The following ATP10B variants were observed in gnomAD, a reference collection of about 807,000 sequenced individuals.
ATP10B encodes ATPase phospholipid transporting 10B (putative).
In ATP10B, 122 loss-of-function variants were observed where a neutral mutation model predicts 141.2. That is an observed-to-expected ratio of 0.86 (90% CI 0.75 to 1.00). The LOEUF (loss-of-function observed/expected upper bound fraction) is 1.00, where lower values mean the gene tolerates loss of function less well. Among genes scored for constraint, ATP10B ranks in the 50% least tolerant of loss-of-function variants. The probability of loss-of-function intolerance (pLI) is 0.00; values close to 1 mark genes in which losing one functional copy is unlikely to be tolerated. For missense variants in ATP10B, 1,876 were observed against 1,825.3 expected, an observed-to-expected ratio of 1.03 and a Z score of -0.51; for synonymous variants, 685 against 692.0, an observed-to-expected ratio of 0.99 and a Z score of 0.16.
rs76839434 is a variant in ATP10B at position 160,645,491 on chromosome 5, T to C, written c.762-1247A>G. ...TTCACCTGCTCAACAGCTCATAAAA[T>C]AGACCTCACAGGAGTGGCCCTTTGC... On this transcript the variant is annotated intron_variant, in intron 8 of 25. Transcript: ENST00000327245. Among the ~76,000 whole-genome samples, 1,269 of 152,328 alleles carry C rather than the reference T, an allele frequency of 8.3e-3. 12 individuals carry two copies. The highest frequency in any genetic ancestry group is 0.051 in the East Asian group (263 of 5,178).
chr5:160,589,005 G>A (rs1756095440), intron 24 of ATP10B, among the ~76,000 whole-genome samples: 1 of 152,034 alleles, frequency 6.6e-6, no homozygotes, highest in Non-Finnish European at 1.5e-5. Flanking sequence ...AAACACGCCT[G>A]AACTGTTTTT....
the ATP10B span, among the ~76,000 whole-genome samples, chr5:160,857,290 T>A: frequency 2.6e-5 from 4 of 151,522 alleles, no homozygotes; most frequent in South Asian, 6.2e-4. Flanking sequence ...TTTGGTAGTT[T>A]GTATTTTTTT....
chr5:160,657,302 A>G (rs772744505), intron 7 of ATP10B, among the ~76,000 whole-genome samples: 1 of 152,180 alleles, frequency 6.6e-6, no homozygotes, highest in African/African-American at 2.4e-5. Flanking sequence ...ATTTCTGAGA[A>G]TCCTATCTGA....
chr5:160,891,571 G>A, the ATP10B span, among the ~76,000 whole-genome samples: 1 of 152,138 alleles, frequency 6.6e-6, no homozygotes, highest in Non-Finnish European at 1.5e-5. Flanking sequence ...TTCTCGTGCT[G>A]GGACTATAGG....
At chr5:160,626,447 G>A (rs1298469328) in intron 13 of ATP10B, among the ~76,000 whole-genome samples, 22 of 152,176 alleles carry the variant, frequency 1.4e-4, no homozygotes, top group Admixed American at 1.3e-3. Flanking sequence ...CACTGATATG[G>A]TTAGTATCAT....
intron 2 of ATP10B, among the ~76,000 whole-genome samples, chr5:160,771,679 C>T (rs181364888): frequency 6.6e-6 from 1 of 150,940 alleles, no homozygotes; most frequent in South Asian, 2.1e-4. Context: ...TCTACTCTTA[C>T]CAAATTTCTA....
Position 160,636,445 on chromosome 5 carries a change from C to CTG in ATP10B, c.1001-138_1001-137dup, listed in dbSNP as rs147139408. The CTG allele has an allele frequency of 2.1e-4, 178 of 859,754 alleles. 1 individual carries two copies. Among genetic ancestry groups the CTG allele is most frequent in the Admixed American group, 7.2e-4 (25 of 34,956 alleles). The allele number at this position is 859,754 out of a possible 1,614,324, so 53.3% of individuals were successfully genotyped here. A position where few individuals can be genotyped will look rare whatever the true frequency, so the allele number is the denominator to read the frequency against. On this transcript the variant is annotated intron_variant, in intron 10 of 25. Coordinates refer to ENST00000327245, the MANE Select transcript of ATP10B (RefSeq NM_025153.3). ...CCTCCTTCTTCCATACAATGTAGCT[C>CTG]TGTGTGTGTGTGTGTTTGTGTATGT...
intron 1 of ATP10B, among the ~76,000 whole-genome samples, chr5:160,829,958 G>T (rs765511255): frequency 6.6e-6 from 1 of 152,030 alleles, no homozygotes; most frequent in Non-Finnish European, 1.5e-5. Context: ...TTCTCTTGCT[G>T]ATTGCTCTGA....
chr5:160,905,157 G>A, the ATP10B span, among the ~76,000 whole-genome samples: 1 of 152,190 alleles, frequency 6.6e-6, no homozygotes, highest in African/African-American at 2.4e-5. Flanking sequence ...AGTAAGCTGA[G>A]GCTCAGGGAG....
In ATP10B at chr5:160,598,836, GT is replaced by G; in HGVS notation, c.3497del (p.Asp1166AlafsTer57). ...SLPPLVFGVLDKDISAETLLA... is the reference protein window; with the variant it reads ...SLPPLVFGVLXKDISAETLLA... ...GGAGTGTTTCTGCAGAGATGTCTTT[GT>G]CAAGGACTCCAAAGACAAGAGGAGG... On this transcript the variant is annotated frameshift_variant, in exon 22 of 26. Transcript: ENST00000327245. LOFTEE classifies it high-confidence loss of function. 6.2e-7 allele frequency: 1 copy of G among 1,614,192 alleles called. No homozygotes were observed. The highest frequency in any genetic ancestry group is 8.5e-7 in the Non-Finnish European group (1 of 1,180,014).
intron 1 of ATP10B, among the ~76,000 whole-genome samples, chr5:160,828,089 C>T (rs1442708451): frequency 6.6e-6 from 1 of 152,092 alleles, no homozygotes; most frequent in African/African-American, 2.4e-5. Flanking sequence ...ACACGTTAGA[C>T]CTAAAACCAT....
chr5:160,812,057 AGAGGGAGAGG>A lies in ATP10B; in HGVS notation c.-575-26264_-575-26255del, dbSNP rs1561880186. On this transcript the variant is annotated intron_variant, in intron 1 of 25. Transcript: ENST00000327245. ...GAGAGAGAGAGAGAGAGAGAGAGAG[AGAGGGAGAGG>A]GAGAGAGATTCCTCTTGTTGGGAGA... 8.7e-4 allele frequency among the ~76,000 whole-genome samples: 127 copies of A among 146,526 alleles called. 1 individual carries two copies. Among genetic ancestry groups the A allele is most frequent in the African/African-American group, 3.0e-3 (114 of 37,950 alleles).
chr5:160,674,242 A>G (rs1762893843), intron 6 of ATP10B, among the ~76,000 whole-genome samples: 1 of 152,218 alleles, frequency 6.6e-6, no homozygotes, highest in African/African-American at 2.4e-5. Context: ...GGCAAGGCCA[A>G]TGCACCTCCA....
Position 160,622,457 on chromosome 5 carries a change from G to A in ATP10B, c.1749C>T (p.Phe583=), listed in dbSNP as rs200535074. The change falls in exon 14 of 26, where the codon TTC becomes TTT. Residue 583 remains phenylalanine (F), a synonymous_variant. Transcript: ENST00000327245. ...AGTTGCAGATGGTTAAGGCAAGGAA[G>A]AAATCAGCAATGGAGGAGGTGGTGG... ...SLSTTSSIAD[F]FLALTICNSV... 1.9e-6 allele frequency: 3 copies of A among 1,614,166 alleles called. No homozygotes were observed. The highest frequency in any genetic ancestry group is 1.7e-5 in the Admixed American group (1 of 60,028).
chr5:160,923,112 C>A, the ATP10B span, among the ~76,000 whole-genome samples: 1 of 152,192 alleles, frequency 6.6e-6, no homozygotes, highest in Non-Finnish European at 1.5e-5. Flanking sequence ...GTGGCCAGGG[C>A]ATGAGACAGA....
chr5:160,654,935 A>AAAGCCG (rs1232196276), intron 7 of ATP10B, among the ~76,000 whole-genome samples: 1 of 152,184 alleles, frequency 6.6e-6, no homozygotes, highest in African/African-American at 2.4e-5. Context: ...TCCAGACAGC[A>AAAGCCG]AAGCCGGACA....
At chr5:160,703,545 T>G (rs1764801835) in intron 3 of ATP10B, among the ~76,000 whole-genome samples, 1 of 151,924 alleles carries the variant, frequency 6.6e-6, no homozygotes, top group South Asian at 2.1e-4. Context: ...GGTGCGATCT[T>G]GGCTCACTGC....
chr5:160,829,556 T>C (rs191832475), intron 1 of ATP10B, among the ~76,000 whole-genome samples: 83 of 152,218 alleles, frequency 5.5e-4, no homozygotes, highest in African/African-American at 1.8e-3. Context: ...AATAGGGAAG[T>C]ATGGCCATAT....
intron 24 of ATP10B, among the ~76,000 whole-genome samples, chr5:160,581,129 T>C (rs1424180152): frequency 6.6e-6 from 1 of 152,132 alleles, no homozygotes; most frequent in Non-Finnish European, 1.5e-5. Flanking sequence ...TTTTGAAGGG[T>C]TTTTTGTGTT....
Sources: gnomAD v4.1 joint callset for allele counts (sites outside exome capture counted in the v4.1 genomes callset) on GRCh38, gnomAD v4.1.1 for gene constraint, MANE v1.5 for transcripts, NCBI Gene and HGNC (gene_info 2026-07-23, HGNC 2026-07-21) for gene names.